ARHGEF7: variants seen among roughly 807,000 people sequenced by gnomAD.
ARHGEF7 encodes the protein Rho guanine nucleotide exchange factor 7.
Under a neutral mutation model 109.8 loss-of-function variants are expected in ARHGEF7, and 33 were observed. That is an observed-to-expected ratio of 0.30 (90% CI 0.23 to 0.40). The LOEUF (loss-of-function observed/expected upper bound fraction) is 0.40, where lower values mean the gene tolerates loss of function less well. ARHGEF7 is among the 10% of genes least tolerant of loss of function. The probability of loss-of-function intolerance (pLI) is 1.00; values close to 1 mark genes in which losing one functional copy is unlikely to be tolerated. For synonymous variants in ARHGEF7, 458 were observed against 424.6 expected, an observed-to-expected ratio of 1.08 and a Z score of -0.97; for missense variants, 938 against 1,098.5, an observed-to-expected ratio of 0.85 and a Z score of 2.07.
intron 19 of ARHGEF7, chr13:111,294,101 A>G: frequency 4.1e-6 from 4 of 985,496 alleles, no homozygotes; most frequent in Non-Finnish European, 3.6e-6. Context: ...AGGAGCAGTC[A>G]GAGCCCAGTG....
chr13:111,257,637 C>T (rs75415687), intron 8 of ARHGEF7, among the ~76,000 whole-genome samples: 3,550 of 152,324 alleles, frequency 0.023, 125 homozygotes, highest in African/African-American at 0.077. Context: ...TGAGTGATCA[C>T]GGTGCCTGGT....
At position 111,166,833 on chromosome 13, in the gene ARHGEF7, G is replaced by A. The variant is rs373925531; in HGVS notation, c.252+12842G>A. On this transcript the variant is annotated intron_variant, in intron 2 of 21. Transcript: ENST00000646102. Reference sequence around the variant, plus strand: ...GGCTGGGATATCAGCTTCAGACTTCGGCACAAGCAGGTTCTGATTGTGTAG... The same window carrying A: ...GGCTGGGATATCAGCTTCAGACTTCAGCACAAGCAGGTTCTGATTGTGTAG... 2.0e-5 allele frequency among the ~76,000 whole-genome samples: 3 copies of A among 152,170 alleles called. No individual in the cohort carries two copies. The East Asian group carries it at 5.8e-4, about 29-fold the overall frequency.
At chr13:111,148,290 AG>A (rs1273423257) in intron 1 of ARHGEF7, among the ~76,000 whole-genome samples, 1 of 152,270 alleles carries the variant, frequency 6.6e-6, no homozygotes, top group African/African-American at 2.4e-5. Flanking sequence ...CATAGACCCA[AG>A]GGGTCAAGTG....
At chr13:111,251,446 A>G (rs1426172978) in intron 8 of ARHGEF7, among the ~76,000 whole-genome samples, 1 of 152,162 alleles carries the variant, frequency 6.6e-6, no homozygotes, top group African/African-American at 2.4e-5. Context: ...GAAGCTTGGC[A>G]GTATCATAGT....
chr13:111,191,556 C>A (rs1207296416), intron 2 of ARHGEF7, among the ~76,000 whole-genome samples: 1 of 152,076 alleles, frequency 6.6e-6, no homozygotes, highest in East Asian at 1.9e-4. Flanking sequence ...TTGGTAGAGA[C>A]CCAGGTTTTT....
intron 18 of ARHGEF7, among the ~76,000 whole-genome samples, chr13:111,289,458 A>G (rs1334354690): frequency 6.6e-6 from 1 of 152,194 alleles, no homozygotes; most frequent in Non-Finnish European, 1.5e-5. Flanking sequence ...AACAGCTGAC[A>G]TGTGGGCACG....
chr13:111,158,881 A>T (rs2076542258), intron 2 of ARHGEF7: 1 of 606,584 alleles, frequency 1.6e-6, no homozygotes, highest in Non-Finnish European at 3.0e-6. Context: ...GAACATTTAA[A>T]ATCTAATCTT....
chr13:111,172,142 A>T (rs1009654684), intron 2 of ARHGEF7, among the ~76,000 whole-genome samples: 1 of 152,196 alleles, frequency 6.6e-6, no homozygotes, highest in Non-Finnish European at 1.5e-5. Flanking sequence ...TGGTACTCTA[A>T]ATACGTAAGT....
chr13:111,160,813 G>A (rs532245532), intron 2 of ARHGEF7, among the ~76,000 whole-genome samples: 16 of 152,238 alleles, frequency 1.1e-4, no homozygotes, highest in African/African-American at 3.6e-4. Flanking sequence ...TCACCCTTCT[G>A]TCTCCTGCTG....
At position 111,245,616 on chromosome 13, in the gene ARHGEF7, G is replaced by A. The variant is rs796921553; in HGVS notation, c.950+1322G>A. ...GGTCGTTGTCAACTTCTGATGGCCG[G>A]CCACTACGCTCCTCACCTTCAAGGC... On this transcript the variant is annotated intron_variant, in intron 8 of 21. Coordinates refer to ENST00000646102, the MANE Select transcript of ARHGEF7 (RefSeq NM_001354046.2). Among the ~76,000 whole-genome samples, 7 of 152,234 alleles carry A rather than the reference G, an allele frequency of 4.6e-5. No individual in the cohort carries two copies. The South Asian group carries it at 1.5e-3, about 32-fold the overall frequency.
chr13:111,274,037 A>G (rs1253686292), intron 10 of ARHGEF7, 85 bp downstream of exon 10: 10 of 1,486,516 alleles, frequency 6.7e-6, no homozygotes, highest in Non-Finnish European at 7.3e-6. Flanking sequence ...AGTATTATTC[A>G]TGATTTATTT....
rs538232737 is a variant in ARHGEF7 at position 111,272,491 on chromosome 13, T to C, written c.1074-1323T>C. 1.3e-5 allele frequency among the ~76,000 whole-genome samples: 2 copies of C among 152,360 alleles called. No homozygotes were observed. Among genetic ancestry groups the C allele is most frequent in the East Asian group, 1.9e-4 (1 of 5,188 alleles). On this transcript the variant is annotated intron_variant, in intron 9 of 21. Transcript: ENST00000646102. This position sits in a 1 kb window ranked among gnomAD's most constrained non-coding sequence, Gnocchi z 5.2. Reference sequence around the variant, plus strand: ...TGTTTATTTTAGGACATCGTTTACATAATGAGGATATAAAAGTATCTTTTC... The same window carrying C: ...TGTTTATTTTAGGACATCGTTTACACAATGAGGATATAAAAGTATCTTTTC...
At chr13:111,147,389 G>T (rs1275467049) in intron 1 of ARHGEF7, among the ~76,000 whole-genome samples, 4 of 152,182 alleles carry the variant, frequency 2.6e-5, no homozygotes, top group Non-Finnish European at 5.9e-5. Context: ...CCATTCTGGT[G>T]GGGTGCAGTG....
intron 8 of ARHGEF7, among the ~76,000 whole-genome samples, chr13:111,260,742 C>G (rs972235270): frequency 2.6e-5 from 4 of 152,140 alleles, no homozygotes; most frequent in Admixed American, 1.3e-4. Context: ...CTACTCATAT[C>G]TTGAGTAGAA....
intron 2 of ARHGEF7, among the ~76,000 whole-genome samples, chr13:111,192,011 G>T (rs773613065): frequency 2.0e-5 from 3 of 152,160 alleles, no homozygotes; most frequent in Non-Finnish European, 2.9e-5. Flanking sequence ...AGATTATGTA[G>T]GTTTTCACTT....
intron 17 of ARHGEF7, among the ~76,000 whole-genome samples, 182 bp from the exon 18 acceptor site, chr13:111,288,172 T>G (rs193281191): frequency 3.0e-4 from 46 of 152,376 alleles, no homozygotes; most frequent in Non-Finnish European, 5.6e-4. Flanking sequence ...TTTGCATTTA[T>G]TTTATTTTAT....
chr13:111,214,205 C>T (rs577036685), intron 4 of ARHGEF7, among the ~76,000 whole-genome samples: 4 of 152,262 alleles, frequency 2.6e-5, no homozygotes, highest in African/African-American at 4.8e-5. Context: ...AAGTGTAGAG[C>T]GTGCATGCAT....
At position 111,236,854 on chromosome 13, in the gene ARHGEF7, A is replaced by G. The variant is rs1380924986; in HGVS notation, c.759+3561A>G. 2.6e-5 allele frequency among the ~76,000 whole-genome samples: 4 copies of G among 152,142 alleles called. No homozygotes were observed. In the East Asian group the frequency reaches 5.8e-4, roughly 22 times the overall value. On this transcript the variant is annotated intron_variant, in intron 6 of 21. Transcript: ENST00000646102. Reference sequence around the variant, plus strand: ...GTGGCAAATGCCTGTAGTCTTAGCTACTCGGGAGGCTGAGGTGGGAGGATT... The same window carrying G: ...GTGGCAAATGCCTGTAGTCTTAGCTGCTCGGGAGGCTGAGGTGGGAGGATT...
In ARHGEF7 at chr13:111,262,837, C is replaced by T. The variant is rs116424124; in HGVS notation, c.951-4711C>T. 3.5e-3 allele frequency among the ~76,000 whole-genome samples: 533 copies of T among 152,296 alleles called. 4 individuals are homozygous for T. Among genetic ancestry groups the T allele is most frequent in the African/African-American group, 0.012 (509 of 41,560 alleles). ...GCTGTCATCAGATCATTCATGGACA[C>T]AATGCAACATCACACCTGTTAGATT... On this transcript the variant is annotated intron_variant, in intron 8 of 21. Transcript: ENST00000646102.
Sources: gnomAD v4.1 joint callset for allele counts (sites outside exome capture counted in the v4.1 genomes callset) on GRCh38, gnomAD v4.1.1 for gene constraint, Gnocchi (gnomAD v3.1) non-coding constraint, MANE v1.5 for transcripts, NCBI Gene and HGNC (gene_info 2026-07-23, HGNC 2026-07-21) for gene names.